The following ADGRL3 variants were observed in gnomAD, a reference collection of about 807,000 sequenced individuals.
The protein encoded by ADGRL3 is calcium-independent alpha-latrotoxin receptor 3.
ADGRL3 carries 62 observed loss-of-function variants against 153.5 expected under a neutral mutation model. The ratio of observed to expected loss-of-function variants is 0.40; its 90% CI spans 0.33 to 0.50. The LOEUF (loss-of-function observed/expected upper bound fraction) is 0.50, where lower values mean the gene tolerates loss of function less well. Ranked by LOEUF, ADGRL3 falls within the 20% of genes least tolerant of loss-of-function variation. ADGRL3 has a pLI of 0.47. For synonymous variants in ADGRL3, 710 were observed against 672.5 expected, an observed-to-expected ratio of 1.06 and a Z score of -0.86; for missense variants, 1,641 against 1,859.4, an observed-to-expected ratio of 0.88 and a Z score of 2.16.
intron 21 of ADGRL3, among the ~76,000 whole-genome samples, chr4:62,028,610 TA>T (rs1020041351): frequency 2.0e-5 from 3 of 151,894 alleles, no homozygotes; most frequent in African/African-American, 7.2e-5. Context: ...GAGCACATGA[TA>T]AAAAAATGGA....
At chr4:61,953,198 C>G (rs2098953987) in intron 17 of ADGRL3, among the ~76,000 whole-genome samples, 1 of 152,178 alleles carries the variant, frequency 6.6e-6, no homozygotes, top group African/African-American at 2.4e-5. Flanking sequence ...CCAGTTGGAA[C>G]AGATATTTAT....
intron 8 of ADGRL3, among the ~76,000 whole-genome samples, chr4:61,779,851 A>G (rs891866695): frequency 1.3e-5 from 2 of 152,060 alleles, no homozygotes; most frequent in Admixed American, 6.6e-5. Context: ...TAAATTTCCT[A>G]TCTAATGCAA....
intron 9 of ADGRL3, among the ~76,000 whole-genome samples, chr4:61,815,836 C>T (rs1164402533): frequency 6.6e-6 from 1 of 152,202 alleles, no homozygotes; most frequent in Non-Finnish European, 1.5e-5. Context: ...GAGGTGCCAT[C>T]TTGGAAACAG....
At chr4:61,868,381 A>G (rs2098415898) in intron 9 of ADGRL3, among the ~76,000 whole-genome samples, 2 of 152,006 alleles carry the variant, frequency 1.3e-5, no homozygotes, top group African/African-American at 4.8e-5. Flanking sequence ...TATTAGCATC[A>G]TCTATCCACA....
chr4:61,680,294 G>A (rs962038376), intron 6 of ADGRL3, among the ~76,000 whole-genome samples: 16 of 131,150 alleles, frequency 1.2e-4, no homozygotes, highest in South Asian at 2.3e-4. Flanking sequence ...TTTCCATTTC[G>A]AATTTATGAC....
At chr4:61,761,526 G>A (rs1268404454) in intron 8 of ADGRL3, among the ~76,000 whole-genome samples, 5 of 152,094 alleles carry the variant, frequency 3.3e-5, no homozygotes, top group African/African-American at 7.2e-5. Context: ...GGCATGGGTG[G>A]CTCATGCCCT....
At chr4:61,352,217 T>C (rs1423132394) in intron 1 of ADGRL3, among the ~76,000 whole-genome samples, 1 of 152,158 alleles carries the variant, frequency 6.6e-6, no homozygotes, top group Admixed American at 6.5e-5. Flanking sequence ...GAATTACCAA[T>C]GGAGATGGAA....
intron 2 of ADGRL3, among the ~76,000 whole-genome samples, chr4:61,416,654 G>A (rs2097148058): frequency 6.6e-6 from 1 of 151,924 alleles, no homozygotes; most frequent in South Asian, 2.1e-4. Context: ...TGTTGAGGAG[G>A]GTAAATTTTA....
chr4:61,979,419 A>G, intron 17 of ADGRL3, 144 bp from the exon 18 acceptor site: 1 of 707,922 alleles, frequency 1.4e-6, no homozygotes, highest in Non-Finnish European at 2.4e-6. Context: ...AGAAAACCCA[A>G]ATCATTAAGT....
chr4:61,912,926 G>T (rs2098728577), intron 13 of ADGRL3, among the ~76,000 whole-genome samples, 169 bp downstream of exon 13: 3 of 152,134 alleles, frequency 2.0e-5, no homozygotes, highest in South Asian at 2.1e-4. Flanking sequence ...CAGTGCCAAT[G>T]CTCTGTCAAA....
At chr4:61,434,421 A>G (rs2097418315) in intron 2 of ADGRL3, among the ~76,000 whole-genome samples, 2 of 152,134 alleles carry the variant, frequency 1.3e-5, no homozygotes, top group Admixed American at 1.3e-4. Context: ...GCATGTATAC[A>G]TATGTTATGT....
intron 9 of ADGRL3, among the ~76,000 whole-genome samples, chr4:61,874,021 T>C (rs1272025687): frequency 6.6e-6 from 1 of 152,160 alleles, no homozygotes; most frequent in Non-Finnish European, 1.5e-5. Flanking sequence ...TTAAAAGCTT[T>C]TCCTATTGTG....
intron 17 of ADGRL3, among the ~76,000 whole-genome samples, chr4:61,949,672 G>A (rs1210906560): frequency 1.3e-5 from 2 of 151,934 alleles, no homozygotes; most frequent in African/African-American, 4.8e-5. Context: ...TCCAGCATGG[G>A]AGACAGAGCA....
chr4:61,437,202 TG>T (rs1467365801), intron 2 of ADGRL3, among the ~76,000 whole-genome samples: 1 of 152,134 alleles, frequency 6.6e-6, no homozygotes, highest in Non-Finnish European at 1.5e-5. Context: ...AAATACAGAA[TG>T]TTCAGATTAA....
intron 1 of ADGRL3, among the ~76,000 whole-genome samples, chr4:61,348,182 C>G (rs1308310772): frequency 6.6e-6 from 1 of 151,966 alleles, no homozygotes; most frequent in Non-Finnish European, 1.5e-5. Flanking sequence ...GACAGACGCT[C>G]TTTATTCTTA....
chr4:61,937,414 T>G (rs2098843965), intron 15 of ADGRL3, among the ~76,000 whole-genome samples: 1 of 151,576 alleles, frequency 6.6e-6, no homozygotes, highest in Non-Finnish European at 1.5e-5. Flanking sequence ...TTTTTTTTTT[T>G]GCATTTTTTT....
At position 61,946,936 on chromosome 4, in the gene ADGRL3, C is replaced by G; in HGVS notation, c.2442C>G (p.Val814=). Residue 814 remains valine (V), a synonymous_variant, in exon 16 of 27, where the codon GTC becomes GTG. Coordinates refer to ENST00000683033, the MANE Select transcript of ADGRL3 (RefSeq NM_001387552.1). ...TAGGAGAGATCAGAGTGGCCTTTGT[C>G]CTGTATAACAACTTGGGTCCTTATT... is the stretch of plus-strand genomic sequence containing the variant. ...GRNGEIRVAF[V]LYNNLGPYLS... The G allele has an allele frequency of 6.2e-7, 1 of 1,613,744 alleles. No individual in the cohort carries two copies. The highest frequency in any genetic ancestry group is 8.5e-7 in the Non-Finnish European group (1 of 1,179,768).
chr4:61,454,482 G>T (rs1045467553), intron 2 of ADGRL3, among the ~76,000 whole-genome samples: 45 of 152,060 alleles, frequency 3.0e-4, no homozygotes, highest in African/African-American at 1.1e-3. Context: ...CTTTTTTGGT[G>T]AGAAGTATGA....
chr4:61,266,291 C>A (rs2149697208), intron 1 of ADGRL3, among the ~76,000 whole-genome samples: 1 of 146,574 alleles, frequency 6.8e-6, no homozygotes, highest in Middle Eastern at 3.6e-3. Context: ...GAGATGTTTT[C>A]TAGGCTTTTT....
Sources: gnomAD v4.1 joint callset for allele counts (sites outside exome capture counted in the v4.1 genomes callset) on GRCh38, gnomAD v4.1.1 for gene constraint, MANE v1.5 for transcripts, NCBI Gene and HGNC (gene_info 2026-07-23, HGNC 2026-07-21) for gene names.